OTULIN: variants seen among roughly 807,000 people sequenced by gnomAD.
OTULIN encodes ubiquitin thioesterase otulin.
A neutral mutation model predicts 39.6 loss-of-function variants in OTULIN; 15 were observed. That is an observed-to-expected ratio of 0.38 (90% CI 0.25 to 0.58). The LOEUF is 0.58. Among genes scored for constraint, OTULIN ranks in the 20% least tolerant of loss-of-function variants. The pLI is 0.66. For missense variants in OTULIN, 319 were observed against 445.9 expected (o/e 0.72, Z 2.56); for synonymous variants, 156 against 170.3 (o/e 0.92, Z 0.65).
intron 2 of OTULIN, among the ~76,000 whole-genome samples, chr5:14,675,592 G>A (rs908588516): frequency 2.1e-4 from 32 of 152,086 alleles, no homozygotes; most frequent in African/African-American, 5.1e-4. Flanking sequence ...GTTTGTTACC[G>A]CTGACAGTAT....
At chr5:14,714,093 C>T in the OTULIN span, among the ~76,000 whole-genome samples, 1 of 152,270 alleles carries the variant, frequency 6.6e-6, no homozygotes, top group Non-Finnish European at 1.5e-5. Flanking sequence ...ATCTTCCCTG[C>T]CTGCGGTCAG....
At chr5:14,710,375 G>A in the OTULIN span, 1 of 152,210 alleles carries the variant, frequency 6.6e-6, no homozygotes. Flanking sequence ...AAAGTCATGC[G>A]GCAGGGTCTG....
the OTULIN span, chr5:14,713,124 T>G: frequency 1.3e-6 from 1 of 783,528 alleles, no homozygotes; most frequent in Non-Finnish European, 2.1e-6. This position sits in a 1 kb window ranked among gnomAD's most constrained non-coding sequence, Gnocchi z 4.4. Flanking sequence ...CCGCAGCTAA[T>G]AACCTAATGT....
chr5:14,665,338 G>A (rs962067343), intron 1 of OTULIN, among the ~76,000 whole-genome samples: 2 of 152,208 alleles, frequency 1.3e-5, no homozygotes, highest in Non-Finnish European at 2.9e-5. Flanking sequence ...GAGGAAGTGA[G>A]GTCGACCCTG....
chr5:14,680,523 A>G (rs529064727), intron 3 of OTULIN, among the ~76,000 whole-genome samples: 2 of 152,148 alleles, frequency 1.3e-5, no homozygotes, highest in Non-Finnish European at 2.9e-5. Context: ...GGCTGACTCG[A>G]CCCAGGGTCA....
rs1736607155 is a variant in OTULIN at position 14,694,213 on chromosome 5, A to T, written c.*1165A>T. On this transcript the variant is annotated 3_prime_UTR_variant, in exon 7 of 7. Transcript: ENST00000284274. The stretch of plus-strand genomic sequence containing the variant: ...GTGCAAAAGTGTGGCTGAGCCGCGT[A>T]TGCCCTTGATTGGTTTTGGGAAGCC... 1 of 152,282 alleles carries T rather than the reference A, an allele frequency of 6.6e-6. No homozygotes were observed. Among genetic ancestry groups the T allele is most frequent in the Non-Finnish European group, 1.5e-5 (1 of 68,076 alleles). 9.4% of individuals were successfully genotyped at this position (152,282 alleles called of 1,614,324 possible).
the OTULIN span, chr5:14,706,231 C>T: frequency 6.6e-6 from 1 of 152,174 alleles, no homozygotes; most frequent in Non-Finnish European, 1.5e-5. Context: ...AAAAAATTTG[C>T]TGAATCTATG....
chr5:14,715,332 T>C, the OTULIN span, among the ~76,000 whole-genome samples: 6 of 152,180 alleles, frequency 3.9e-5, no homozygotes, highest in East Asian at 1.2e-3. Context: ...GGTTTCACCA[T>C]GTTGGTGAGG....
intron 4 of OTULIN, among the ~76,000 whole-genome samples, 163 bp from the exon 5 acceptor site, chr5:14,687,358 A>G (rs902017544): frequency 3.3e-5 from 5 of 152,198 alleles, no homozygotes; most frequent in African/African-American, 1.2e-4. Context: ...CCTGACTTCT[A>G]GATTTAGGTC....
At chr5:14,676,628 A>G (rs998480645) in intron 2 of OTULIN, among the ~76,000 whole-genome samples, 1 of 152,048 alleles carries the variant, frequency 6.6e-6, no homozygotes, top group African/African-American at 2.4e-5. Flanking sequence ...CACCCTGTCC[A>G]GGTCTTGTCT....
At chr5:14,689,352 G>C (rs1167550908) in intron 5 of OTULIN, among the ~76,000 whole-genome samples, 1 of 152,150 alleles carries the variant, frequency 6.6e-6, no homozygotes, top group Non-Finnish European at 1.5e-5. Flanking sequence ...ACTAGTTATT[G>C]TTGATTCATA....
Position 14,690,279 on chromosome 5 carries a change from C to T in OTULIN, c.835C>T (p.Gln279Ter). ...PGQLLRNHLNQVGHTGGLEQV... is the reference protein window; with the variant it reads ...PGQLLRNHLN ...ACAGCTTCTGAGGAACCACCTCAAC[C>T]AGGTGGGACACACTGGTGGTCTTGA... The change falls in exon 6 of 7, where the codon CAG becomes TAG. Residue 279 changes from glutamine (Q) to a stop codon, truncating the protein, a stop_gained. Coordinates refer to ENST00000284274, the MANE Select transcript of OTULIN (RefSeq NM_138348.6). LOFTEE classifies it high-confidence loss of function. This position sits in a 1 kb window ranked among gnomAD's most constrained non-coding sequence, Gnocchi z 4.5. The T allele has an allele frequency of 6.2e-7, 1 of 1,614,112 alleles. No homozygotes were observed. Among genetic ancestry groups the T allele is most frequent in the Admixed American group, 1.7e-5 (1 of 60,030 alleles).
the OTULIN span, chr5:14,709,490 C>A: frequency 6.6e-6 from 1 of 152,212 alleles, no homozygotes; most frequent in Admixed American, 6.5e-5. Flanking sequence ...GTGAATGCAA[C>A]CCTGGCATGT....
At chr5:14,681,750 G>T (rs184456310) in intron 4 of OTULIN, 143 bp downstream of exon 4, 2 of 970,524 alleles carry the variant, frequency 2.1e-6, no homozygotes, top group Admixed American at 7.0e-5. Context: ...TGTGGCTGGG[G>T]TGATTTCACA....
chr5:14,668,826 A>C (rs981115339), intron 1 of OTULIN, among the ~76,000 whole-genome samples: 3 of 152,222 alleles, frequency 2.0e-5, no homozygotes, highest in Non-Finnish European at 4.4e-5. Flanking sequence ...GCTTCACAGA[A>C]ATGCCTTCGG....
the OTULIN span, among the ~76,000 whole-genome samples, chr5:14,712,321 C>T: frequency 5.3e-5 from 8 of 152,260 alleles, no homozygotes; most frequent in Non-Finnish European, 1.2e-4. Flanking sequence ...CATGTGTCCT[C>T]GTTCTTCCAC....
chr5:14,690,042 G>T lies in OTULIN; in HGVS notation c.598G>T (p.Ala200Ser), dbSNP rs1686678806. ...ESLTLLRKKW[A>S]GLAEMRTAEA... ...TTACATAACTTTCTTATTGTAGTGG[G>T]CAGGCTTGGCTGAAATGAGAACTGC... is the stretch of plus-strand genomic sequence containing the variant. The change falls in exon 6 of 7, where the codon GCA becomes TCA. Residue 200 changes from alanine (A) to serine (S), a missense_variant. By Grantham distance (99) the Ala-to-Ser change is moderately conservative. Around this residue, in one of 4 missense-constraint regions of OTULIN, gnomAD observed 106 missense variants for 192.8 expected, o/e 0.55. Transcript: ENST00000284274. The surrounding 1 kb of genome is among the most constrained non-coding windows in gnomAD (Gnocchi z 4.5). 6.2e-7 allele frequency: 1 copy of T among 1,612,594 alleles called. No homozygotes were observed. Among genetic ancestry groups the T allele is most frequent in the Non-Finnish European group, 8.5e-7 (1 of 1,178,886 alleles).
intron 1 of OTULIN, among the ~76,000 whole-genome samples, chr5:14,672,018 T>C (rs1735989644): frequency 6.6e-6 from 1 of 152,160 alleles, no homozygotes; most frequent in Non-Finnish European, 1.5e-5. Context: ...GAATGAGGAC[T>C]AGTTAAATAA....
chr5:14,713,001 G>A, the OTULIN span: 1 of 1,597,280 alleles, frequency 6.3e-7, no homozygotes, highest in East Asian at 2.2e-5. This position sits in a 1 kb window ranked among gnomAD's most constrained non-coding sequence, Gnocchi z 4.4. Context: ...AAGGCAATTT[G>A]TCTGTTAAGG....
Sources: gnomAD v4.1 joint callset for allele counts (sites outside exome capture counted in the v4.1 genomes callset) on GRCh38, gnomAD v4.1.1 for gene constraint, gnomAD v4.1.1 regional missense constraint, Gnocchi (gnomAD v3.1) non-coding constraint, MANE v1.5 for transcripts, NCBI Gene and HGNC (gene_info 2026-07-23, HGNC 2026-07-21) for gene names.